FGB: variants seen among roughly 807,000 people sequenced by gnomAD.
FGB encodes beta-fibrinogen.
In FGB, 25 loss-of-function variants were observed where a neutral mutation model predicts 57.9. The observed-to-expected ratio is 0.43, with a 90% CI of 0.31 to 0.60. FGB has a LOEUF of 0.60. Among genes scored for constraint, FGB ranks in the 20% least tolerant of loss-of-function variants. The pLI is 0.08. For synonymous variants in FGB, 203 were observed against 199.2 expected (o/e 1.02, Z -0.16); for missense variants, 536 against 598.4 (o/e 0.90, Z 1.09).
In FGB at chr4:154,571,162, A is replaced by G. The variant is rs923233532; in HGVS notation, c.*512A>G. On this transcript the variant is annotated 3_prime_UTR_variant, in exon 8 of 8. Transcript: ENST00000302068. ...CACTTGTAAGGAAGGAGAAGCGTTC[A>G]CAACCTCAAATAGCTAATAAACCGG... is the stretch of plus-strand genomic sequence containing the variant. 4.9e-6 allele frequency: 1 copy of G among 202,106 alleles called. No individual in the cohort carries two copies. Among genetic ancestry groups the G allele is most frequent in the Non-Finnish European group, 1.0e-5 (1 of 99,698 alleles). 12.5% of individuals were successfully genotyped at this position (202,106 alleles called of 1,614,324 possible). A position where few individuals can be genotyped will look rare whatever the true frequency, so the allele number is the denominator to read the frequency against.
chr4:154,566,792 C>T (rs577497579), intron 3 of FGB, 120 bp downstream of exon 3: 29 of 948,382 alleles, frequency 3.1e-5, no homozygotes, highest in East Asian at 2.3e-4. Flanking sequence ...AGCATTCATA[C>T]GCTTTTGGGC....
chr4:154,566,881 G>T, intron 3 of FGB: 1 of 576,020 alleles, frequency 1.7e-6, no homozygotes. Flanking sequence ...GATTTTCTAT[G>T]AAAAATTCTA....
rs113985604 is a variant in FGB at position 154,570,584 on chromosome 4, G to T, written c.1410G>T (p.Trp470Cys). The change falls in exon 8 of 8, where the codon TGG (tryptophan) becomes TGT (cysteine). Residue 470 changes from tryptophan (W) to cysteine (C), a missense_variant. Transcript: ENST00000302068. ...ATGATGGTGTAGTATGGATGAATTG[G>T]AAGGGGTCATGGTACTCAATGAGGA... is the stretch of plus-strand genomic sequence containing the variant. ...GTDDGVVWMN[W>C]KGSWYSMRKM... The T allele has an allele frequency of 6.2e-7, 1 of 1,614,020 alleles. No individual in the cohort carries two copies. Among genetic ancestry groups the T allele is most frequent in the Admixed American group, 1.7e-5 (1 of 59,988 alleles).
intron 1 of FGB, 57 bp downstream of exon 1, chr4:154,563,189 C>T: frequency 1.3e-6 from 1 of 748,114 alleles, no homozygotes; most frequent in Admixed American, 2.2e-5. Context: ...TAAGATGTAA[C>T]ATAATCATAT....
Position 154,571,751 on chromosome 4 carries a change from T to C in FGB, c.*1101T>C, listed in dbSNP as rs934474172. Among the ~76,000 whole-genome samples, 1 of 152,150 alleles carries C rather than the reference T, an allele frequency of 6.6e-6. No individual in the cohort carries two copies. Among genetic ancestry groups the C allele is most frequent in the African/African-American group, 2.4e-5 (1 of 41,426 alleles). On this transcript the variant is annotated 3_prime_UTR_variant, in exon 8 of 8. Transcript: ENST00000302068. ...TCTACTTCTCCCCATGAAATGGGCA[T>C]ATCATCTCAACACTTCACTCCAAGT...
chr4:154,571,204 A>G lies in FGB; in HGVS notation c.*554A>G, dbSNP rs1221166283. On this transcript the variant is annotated 3_prime_UTR_variant, in exon 8 of 8. Coordinates refer to ENST00000302068, the MANE Select transcript of FGB (RefSeq NM_005141.5). ...ATAAACCGGTCTTGAATATTTGAAG[A>G]TTTAAAATCTGACTCTAGGACGGGC... 1.1e-5 allele frequency: 2 copies of G among 181,046 alleles called. No homozygotes were observed. Among genetic ancestry groups the G allele is most frequent in the Non-Finnish European group, 2.3e-5 (2 of 86,276 alleles). 11.2% of individuals were successfully genotyped at this position (181,046 alleles called of 1,614,324 possible). A position where few individuals can be genotyped will look rare whatever the true frequency, so the allele number is the denominator to read the frequency against.
Position 154,571,013 on chromosome 4 carries a change from A to G in FGB, c.*363A>G, listed in dbSNP as rs545671394. Reference sequence around the variant, plus strand: ...TTTAAAAGTCCACTTTTAAAACTATATTTATTTATGTAGGATCTGTCAAAG... The same window carrying G: ...TTTAAAAGTCCACTTTTAAAACTATGTTTATTTATGTAGGATCTGTCAAAG... On this transcript the variant is annotated 3_prime_UTR_variant, in exon 8 of 8. Coordinates refer to ENST00000302068, the MANE Select transcript of FGB (RefSeq NM_005141.5). 43 of 329,114 alleles carry G rather than the reference A, an allele frequency of 1.3e-4. No homozygotes were observed. The highest frequency in any genetic ancestry group is 1.1e-3 in the Middle Eastern group (1 of 946). 20.4% of individuals were successfully genotyped at this position (329,114 alleles called of 1,614,324 possible). A position where few individuals can be genotyped will look rare whatever the true frequency, so the allele number is the denominator to read the frequency against.
chr4:154,566,035 C>G, intron 2 of FGB, 36 bp downstream of exon 2: 1 of 1,592,418 alleles, frequency 6.3e-7, no homozygotes. Flanking sequence ...TGGTGGCTCT[C>G]TCATGCAGAG....
At chr4:154,569,883 C>T (rs182098311) in intron 7 of FGB, 84 bp downstream of exon 7, 3 of 1,495,770 alleles carry the variant, frequency 2.0e-6, no homozygotes, top group African/African-American at 1.4e-5. Context: ...TTAATAGCTA[C>T]CACTTCCTGG....
At chr4:154,567,882 A>G in intron 4 of FGB, 62 bp downstream of exon 4, 1 of 1,153,796 alleles carries the variant, frequency 8.7e-7, no homozygotes, top group Non-Finnish European at 1.3e-6. Flanking sequence ...CAAAAATAAG[A>G]GAACAACAAC....
intron 6 of FGB, 59 bp from the exon 7 acceptor site, chr4:154,569,455 C>A: frequency 6.3e-7 from 1 of 1,588,492 alleles, no homozygotes; most frequent in Non-Finnish European, 8.6e-7. Flanking sequence ...GGAAGAAAGG[C>A]AGTTTTTAGT....
intron 1 of FGB, 66 bp downstream of exon 1, chr4:154,563,198 A>G: frequency 1.4e-6 from 1 of 707,970 alleles, no homozygotes; most frequent in Non-Finnish European, 2.4e-6. Flanking sequence ...ACATAATCAT[A>G]TTATGTGCTT....
At position 154,565,991 on chromosome 4, in the gene FGB, C is replaced by A. The variant is rs2227434; in HGVS notation, c.298C>A (p.Pro100Thr). 5.6e-6 allele frequency: 9 copies of A among 1,612,930 alleles called. No individual in the cohort carries two copies. The highest frequency in any genetic ancestry group is 7.6e-6 in the Non-Finnish European group (9 of 1,179,904). ...PDAGGCLHAD[P>T]DLGVLCPTGC... ...TGCTGGAGGCTGTCTTCACGCTGAC[C>A]CAGACCTGGTGGGTGCACTGATGTT... The change falls in exon 2 of 8, where the codon CCA becomes ACA. Residue 100 changes from proline to threonine, a missense_variant. This residue lies in a region of FGB where 354 missense variants were observed against 383.4 expected (regional missense o/e 0.92). Transcript: ENST00000302068.
chr4:154,567,944 G>C (rs1730235226), intron 4 of FGB, 124 bp downstream of exon 4: 1 of 790,848 alleles, frequency 1.3e-6, no homozygotes, highest in African/African-American at 1.7e-5. Flanking sequence ...TGACATTACA[G>C]TACATCATAA....
chr4:154,563,082 C>T lies in FGB; in HGVS notation c.64C>T (p.Leu22=), dbSNP rs1465640449. Residue 22 remains leucine (L), a synonymous_variant, in exon 1 of 8, where the codon CTA becomes TTA. Transcript: ENST00000302068. ...AACCATGAAACATCTATTATTGCTACTATTGTGTGTTTTTCTAGTTAAGTC... is the reference window on the plus strand; with the variant it reads ...AACCATGAAACATCTATTATTGCTATTATTGTGTGTTTTTCTAGTTAAGTC... ...LKTMKHLLLL[L]LCVFLVKSQG... The T allele has an allele frequency of 2.5e-6, 4 of 1,576,066 alleles. No homozygotes were observed. Among genetic ancestry groups the T allele is most frequent in the African/African-American group, 2.7e-5 (2 of 73,982 alleles).
chr4:154,569,745 T>C lies in FGB; in HGVS notation c.1190T>C (p.Met397Thr), dbSNP rs62637604. The C allele has an allele frequency of 6.2e-7, 1 of 1,614,164 alleles. No individual in the cohort carries two copies. The highest frequency in any genetic ancestry group is 1.1e-5 in the South Asian group (1 of 91,072). ...ASQLMGENRT[M>T]TIHNGMFFST... is the part of the protein sequence containing the mutation. ...CAGCTGATGGGAGAAAACAGGACCA[T>C]GACCATTCACAACGGCATGTTCTTC... Residue 397 changes from methionine to threonine, a missense_variant, in exon 7 of 8, where the codon ATG becomes ACG. Met to Thr is a moderately conservative substitution (Grantham distance 81, BLOSUM62 -1). Coordinates refer to ENST00000302068, the MANE Select transcript of FGB (RefSeq NM_005141.5).
chr4:154,566,367 A>T (rs1185143207), intron 2 of FGB, 122 bp from the exon 3 acceptor site: 2 of 930,622 alleles, frequency 2.1e-6, no homozygotes, highest in Non-Finnish European at 3.4e-6. Flanking sequence ...GGTCTTACAG[A>T]AAACCAAATA....
At position 154,567,613 on chromosome 4, in the gene FGB, G is replaced by C. The variant is rs764709626; in HGVS notation, c.511G>C (p.Glu171Gln). 6.2e-7 allele frequency: 1 copy of C among 1,602,990 alleles called. No individual in the cohort carries two copies. The highest frequency in any genetic ancestry group is 8.5e-7 in the Non-Finnish European group (1 of 1,169,948). The change falls in exon 4 of 8, where the codon GAG becomes CAG. Residue 171 changes from glutamate to glutamine, a missense_variant. Transcript: ENST00000302068. ...TCCAGATAATGAAAATGTAGTCAAT[G>C]AGTACTCCTCAGAACTGGAAAAGCA... is the stretch of plus-strand genomic sequence containing the variant. ...QVKDNENVVN[E>Q]YSSELEKHQL...
chr4:154,569,172 T>G lies in FGB; in HGVS notation c.833-10T>G. On this transcript the variant is annotated splice_polypyrimidine_tract_variant and intron_variant, in intron 5 of 7. Coordinates refer to ENST00000302068, the MANE Select transcript of FGB (RefSeq NM_005141.5). ...TTAATATATGCTCTTTTTGTTTCTGTCAACCAAAGGATGGACAGTGATTCA... is the reference window on the plus strand; with the variant it reads ...TTAATATATGCTCTTTTTGTTTCTGGCAACCAAAGGATGGACAGTGATTCA... The G allele has an allele frequency of 6.2e-7, 1 of 1,614,098 alleles. No individual in the cohort carries two copies.
Sources: gnomAD v4.1 joint callset for allele counts (sites outside exome capture counted in the v4.1 genomes callset) on GRCh38, gnomAD v4.1.1 for gene constraint, gnomAD v4.1.1 regional missense constraint, MANE v1.5 for transcripts, NCBI Gene and HGNC (gene_info 2026-07-23, HGNC 2026-07-21) for gene names.